Variants in GALNT13 observed in about 807,000 individuals in gnomAD.
The protein encoded by GALNT13 is UDP-GalNAc:polypeptide N-acetylgalactosaminyltransferase 13.
A neutral mutation model predicts 64.2 loss-of-function variants in GALNT13; 28 were observed. The observed-to-expected ratio is 0.44, with a 90% CI of 0.32 to 0.60. GALNT13 has a LOEUF of 0.60. GALNT13 is among the 20% of genes least tolerant of loss of function. The probability of loss-of-function intolerance (pLI) is 0.05; values close to 1 mark genes in which losing one functional copy is unlikely to be tolerated. For synonymous variants in GALNT13, 214 were observed against 224.6 expected (o/e 0.95, Z 0.42); for missense variants, 577 against 669.8 (o/e 0.86, Z 1.53).
the GALNT13 span, among the ~76,000 whole-genome samples, chr2:153,251,862 G>T: frequency 9.9e-3 from 1,508 of 151,788 alleles, 30 homozygotes; most frequent in African/African-American, 0.033. Flanking sequence ...TCTTAATCCA[G>T]TCTATCATTA....
At chr2:153,712,946 T>A in the GALNT13 span, among the ~76,000 whole-genome samples, 1 of 152,192 alleles carries the variant, frequency 6.6e-6, no homozygotes, top group East Asian at 1.9e-4. Flanking sequence ...AATGAATGGA[T>A]CTATTTCAGC....
chr2:153,847,829 C>T, the GALNT13 span, among the ~76,000 whole-genome samples: 1 of 152,008 alleles, frequency 6.6e-6, no homozygotes, highest in Non-Finnish European at 1.5e-5. Context: ...GAAAGAAGTA[C>T]AATATTGGAG....
At chr2:153,449,150 C>A in the GALNT13 span, among the ~76,000 whole-genome samples, 4 of 152,144 alleles carry the variant, frequency 2.6e-5, no homozygotes, top group Admixed American at 2.0e-4. Flanking sequence ...GAGCCCTCAC[C>A]AAAAACTGAA....
intron 11 of GALNT13, among the ~76,000 whole-genome samples, chr2:154,413,445 A>G (rs1699877760): frequency 1.3e-5 from 2 of 151,940 alleles, no homozygotes; most frequent in Non-Finnish European, 2.9e-5. Context: ...AATTCATGCT[A>G]CATTAGTTTA....
chr2:153,283,211 C>A, the GALNT13 span, among the ~76,000 whole-genome samples: 1 of 152,140 alleles, frequency 6.6e-6, no homozygotes, highest in Non-Finnish European at 1.5e-5. Context: ...GGCACTAGTA[C>A]TAAGGGAGAA....
the GALNT13 span, among the ~76,000 whole-genome samples, chr2:153,499,598 A>G: frequency 1.3e-5 from 2 of 152,068 alleles, no homozygotes; most frequent in African/African-American, 4.8e-5. Context: ...ATGCCCGCAG[A>G]CCTGTGCCAA....
chr2:153,383,489 A>T, the GALNT13 span, among the ~76,000 whole-genome samples: 5 of 152,074 alleles, frequency 3.3e-5, no homozygotes, highest in African/African-American at 1.2e-4. Context: ...AAGTTGTTTT[A>T]TGCCATGAGA....
the GALNT13 span, among the ~76,000 whole-genome samples, chr2:153,482,888 C>A: frequency 6.6e-6 from 1 of 151,888 alleles, no homozygotes; most frequent in African/African-American, 2.4e-5. Flanking sequence ...GAAAACAGTA[C>A]CTAGCACATA....
chr2:154,193,585 C>T (rs114341071), intron 4 of GALNT13, among the ~76,000 whole-genome samples: 6 of 152,306 alleles, frequency 3.9e-5, no homozygotes, highest in African/African-American at 1.2e-4. Context: ...ACAGCCTTGT[C>T]CTGACAGAGG....
chr2:154,373,484 A>G (rs1697813841), intron 9 of GALNT13, among the ~76,000 whole-genome samples: 1 of 152,154 alleles, frequency 6.6e-6, no homozygotes, highest in African/African-American at 2.4e-5. Flanking sequence ...TGTCTGGTTC[A>G]GACCTTCAAT....
intron 3 of GALNT13, among the ~76,000 whole-genome samples, chr2:154,044,796 T>A (rs900982982): frequency 6.6e-6 from 1 of 152,210 alleles, no homozygotes; most frequent in Admixed American, 6.5e-5. Flanking sequence ...TTTTTCTTTT[T>A]TTAATTTTTA....
chr2:153,874,065 A>G (rs1489416902), intron 1 of GALNT13, among the ~76,000 whole-genome samples: 2 of 147,904 alleles, frequency 1.4e-5, no homozygotes, highest in Non-Finnish European at 3.0e-5. Flanking sequence ...TACATTACTA[A>G]TCTTTCTTTC....
At chr2:154,313,495 G>A (rs1328676158) in intron 9 of GALNT13, among the ~76,000 whole-genome samples, 1 of 150,958 alleles carries the variant, frequency 6.6e-6, no homozygotes, top group East Asian at 2.0e-4. Context: ...TCACTCTGAC[G>A]CCAGGCTGGA....
At chr2:153,373,077 C>T in the GALNT13 span, among the ~76,000 whole-genome samples, 98 of 151,874 alleles carry the variant, frequency 6.5e-4, no homozygotes, top group Non-Finnish European at 1.1e-3. Flanking sequence ...CTTGGTCATT[C>T]TCTTTTTCTT....
the GALNT13 span, among the ~76,000 whole-genome samples, chr2:153,696,250 A>T: frequency 6.6e-6 from 1 of 152,168 alleles, no homozygotes; most frequent in Admixed American, 6.6e-5. Context: ...CTGATGTTGG[A>T]GGGCAGGAAG....
chr2:153,519,133 C>T, the GALNT13 span, among the ~76,000 whole-genome samples: 1 of 152,134 alleles, frequency 6.6e-6, no homozygotes, highest in South Asian at 2.1e-4. Flanking sequence ...CTTAACTTTA[C>T]TACAAATTGC....
chr2:153,726,104 T>C, the GALNT13 span, among the ~76,000 whole-genome samples: 2 of 152,180 alleles, frequency 1.3e-5, no homozygotes, highest in African/African-American at 4.8e-5. Flanking sequence ...TTTTAATGTA[T>C]ATTTGGAATG....
intron 11 of GALNT13, among the ~76,000 whole-genome samples, chr2:154,418,471 G>C (rs938054015): frequency 3.3e-5 from 5 of 152,152 alleles, no homozygotes; most frequent in African/African-American, 1.2e-4. Context: ...GAGAAGAAAA[G>C]GTGATGTGAC....
At chr2:154,412,810 T>C (rs1373925143) in intron 11 of GALNT13, among the ~76,000 whole-genome samples, 1 of 151,866 alleles carries the variant, frequency 6.6e-6, no homozygotes, top group Non-Finnish European at 1.5e-5. Flanking sequence ...TTTGAAGTGC[T>C]CTTTTTTTAA....
Sources: gnomAD v4.1 joint callset for allele counts (sites outside exome capture counted in the v4.1 genomes callset) on GRCh38, gnomAD v4.1.1 for gene constraint, MANE v1.5 for transcripts, NCBI Gene and HGNC (gene_info 2026-07-23, HGNC 2026-07-21) for gene names.